The following CEP290 variants were observed in gnomAD, a reference collection of about 807,000 sequenced individuals.
CEP290 encodes the protein centrosomal protein of 290 kDa.
A neutral mutation model predicts 344.9 loss-of-function variants in CEP290; 317 were observed. That is an observed-to-expected ratio of 0.92 (90% CI 0.84 to 1.01). The LOEUF is 1.01. CEP290 is among the 50% of genes least tolerant of loss of function. The pLI, the probability that CEP290 is intolerant of heterozygous loss-of-function variation, is 0.00. For synonymous variants in CEP290, 932 were observed against 895.8 expected, an observed-to-expected ratio of 1.04 and a Z score of -0.72; for missense variants, 2,754 against 2,761.4, an observed-to-expected ratio of 1.00 and a Z score of 0.06.
chr12:88,052,435 C>T (rs1050086868), intron 52 of CEP290, among the ~76,000 whole-genome samples: 25 of 152,060 alleles, frequency 1.6e-4, no homozygotes, highest in African/African-American at 6.0e-4. Context: ...AAAAGATGTC[C>T]ATGATAAACT....
At chr12:88,105,738 CTTT>C (rs2038226079) in intron 25 of CEP290, among the ~76,000 whole-genome samples, 1 of 151,822 alleles carries the variant, frequency 6.6e-6, no homozygotes, top group Non-Finnish European at 1.5e-5. Context: ...TCTTCTTCTT[CTTT>C]TTTTCTTTTA....
chr12:88,055,513 G>A, intron 50 of CEP290, 63 bp downstream of exon 50: 1 of 1,392,748 alleles, frequency 7.2e-7, no homozygotes, highest in Non-Finnish European at 9.7e-7. Flanking sequence ...ATAAGACAAT[G>A]CAAGGAACAT....
intron 43 of CEP290, among the ~76,000 whole-genome samples, chr12:88,069,292 T>C (rs1156923103): frequency 6.6e-6 from 1 of 152,106 alleles, no homozygotes; most frequent in Non-Finnish European, 1.5e-5. Flanking sequence ...TTCATAAAAT[T>C]TAGAAATTCA....
intron 49 of CEP290, chr12:88,058,548 C>T (rs1442338320): frequency 5.7e-6 from 2 of 348,064 alleles, no homozygotes; most frequent in Non-Finnish European, 1.0e-5. Context: ...GCAGCCTCAG[C>T]CCAGGCTCAT....
intron 22 of CEP290, among the ~76,000 whole-genome samples, chr12:88,109,413 C>A (rs1231212060): frequency 6.6e-6 from 1 of 152,080 alleles, no homozygotes; most frequent in Non-Finnish European, 1.5e-5. Context: ...TACCAGATTA[C>A]AAAGTTTTAT....
intron 33 of CEP290, 82 bp from the exon 34 acceptor site, chr12:88,086,255 C>T (rs369381350): frequency 1.2e-5 from 18 of 1,530,718 alleles, no homozygotes; most frequent in East Asian, 9.1e-5. Flanking sequence ...TATGATAAAA[C>T]ATAGATTAAA....
intron 1 of CEP290, among the ~76,000 whole-genome samples, chr12:88,141,657 G>C (rs929839085): frequency 6.6e-6 from 1 of 152,156 alleles, no homozygotes; most frequent in Non-Finnish European, 1.5e-5. Context: ...GCAAGCGCGA[G>C]GGTCTGTGGA....
At chr12:88,088,297 AT>A (rs1417565303) in intron 31 of CEP290, among the ~76,000 whole-genome samples, 5 of 152,190 alleles carry the variant, frequency 3.3e-5, no homozygotes, top group African/African-American at 1.2e-4. Flanking sequence ...AGAGAACAGG[AT>A]GTAGTTGCAA....
intron 9 of CEP290, 85 bp downstream of exon 9, chr12:88,130,183 T>A: frequency 7.8e-7 from 1 of 1,283,114 alleles, no homozygotes; most frequent in East Asian, 2.4e-5. Context: ...GGAATTTACA[T>A]GTAGGGCTAA....
intron 5 of CEP290, among the ~76,000 whole-genome samples, chr12:88,137,688 T>A (rs775513544): frequency 1.3e-5 from 2 of 152,198 alleles, no homozygotes; most frequent in Non-Finnish European, 2.9e-5. Flanking sequence ...CTCCTTGGCT[T>A]AGCTGCAATT....
At chr12:88,061,089 C>T in intron 46 of CEP290, 95 bp from the exon 47 acceptor site, 1 of 842,614 alleles carries the variant, frequency 1.2e-6, no homozygotes, top group Non-Finnish European at 1.7e-6. Flanking sequence ...TCAATAATTC[C>T]TAATATTTGA....
rs1254396950 is a variant in CEP290, at chr12:88,080,326, C to A, written c.5082G>T (p.Leu1694=). 6.2e-7 allele frequency: 1 copy of A among 1,613,742 alleles called. No homozygotes were observed. The highest frequency in any genetic ancestry group is 1.1e-5 in the South Asian group (1 of 91,042). ...KAEVEDLKYL[L]DQSQKESQCL... ...ACTGTGACTCCTTTTGTGACTGGTCCAGAAGATACTTTAAATCCTCTACTT... is the reference window on the plus strand; with the variant it reads ...ACTGTGACTCCTTTTGTGACTGGTCAAGAAGATACTTTAAATCCTCTACTT... Residue 1694 remains leucine, a synonymous_variant, in exon 38 of 54, where the codon CTG becomes CTT. Transcript: ENST00000552810.
Position 88,080,258 on chromosome 12 carries a change from C to T in CEP290, c.5150G>A (p.Arg1717Lys), listed in dbSNP as rs1428633451. 1 of 1,613,562 alleles carries T rather than the reference C, an allele frequency of 6.2e-7. No homozygotes were observed. Among genetic ancestry groups the T allele is most frequent in the Non-Finnish European group, 8.5e-7 (1 of 1,179,756 alleles). Reference protein sequence around the residue: ...ELQAQKEANSRAPTTTMRNLV... With the variant: ...ELQAQKEANSKAPTTTMRNLV... ...ATTTCTCATTGTAGTTGTTGGAGCT[C>T]TTGAATTTGCTTCTTTTTGAGCCTG... Residue 1717 changes from arginine to lysine, a missense_variant, in exon 38 of 54, where the codon AGA (arginine) becomes AAA (lysine). Arg to Lys is a conservative substitution (Grantham distance 26). Transcript: ENST00000552810.
chr12:88,139,817 C>T (rs969751891), intron 3 of CEP290, among the ~76,000 whole-genome samples: 3 of 152,172 alleles, frequency 2.0e-5, no homozygotes, highest in Admixed American at 6.5e-5. Context: ...AACCTCCTGC[C>T]TCCTGGGCTC....
intron 6 of CEP290, 124 bp from the exon 7 acceptor site, chr12:88,131,342 C>T (rs2040060548): frequency 1.2e-5 from 7 of 588,032 alleles, no homozygotes; most frequent in Non-Finnish European, 2.0e-5. Flanking sequence ...CGGCTCACTG[C>T]AACCTCTGCC....
intron 34 of CEP290, among the ~76,000 whole-genome samples, chr12:88,085,177 T>C (rs1014184262): frequency 6.6e-6 from 1 of 152,132 alleles, no homozygotes; most frequent in African/African-American, 2.4e-5. Flanking sequence ...GAATATGTAA[T>C]AAATTATTTC....
rs1047786110 is a variant in CEP290, at chr12:88,050,352, A to C, written c.7209+2T>G. The C allele has an allele frequency of 7.0e-7, 1 of 1,422,070 alleles. No homozygotes were observed. The highest frequency in any genetic ancestry group is 9.8e-7 in the Non-Finnish European group (1 of 1,021,388). The allele number at this position is 1,422,070 out of a possible 1,614,324, so 88.1% of individuals were successfully genotyped here. ...CGATACTAAAATATAATTAAATATTACCTTCAAATGCTGCTTTTCTAGATC... is the reference window on the plus strand; with the variant it reads ...CGATACTAAAATATAATTAAATATTCCCTTCAAATGCTGCTTTTCTAGATC... On this transcript the variant is annotated splice_donor_variant, in intron 53 of 53. Transcript: ENST00000552810. LOFTEE classifies it high-confidence loss of function.
chr12:88,112,488 A>C lies in CEP290; in HGVS notation c.2053-630T>G, dbSNP rs533962770. Among the ~76,000 whole-genome samples, 10 of 152,280 alleles carry C rather than the reference A, an allele frequency of 6.6e-5. No homozygotes were observed. In the South Asian group the frequency reaches 2.1e-3, roughly 32 times the overall value. On this transcript the variant is annotated intron_variant, in intron 20 of 53. Transcript: ENST00000552810. ...AATGAGTAAGCAAAAATAATATGTC[A>C]AATATTAAAATATTATCAGAGTGGC...
intron 27 of CEP290, among the ~76,000 whole-genome samples, chr12:88,095,044 G>T (rs370845031): frequency 6.6e-6 from 1 of 152,104 alleles, no homozygotes; most frequent in Admixed American, 6.6e-5. Context: ...AACAATAATG[G>T]ATCACTAACA....
Sources: allele counts gnomAD v4.1 joint callset (sites outside exome capture counted in the v4.1 genomes callset), GRCh38; gene constraint gnomAD v4.1.1; transcripts MANE v1.5; gene names NCBI Gene and HGNC (gene_info 2026-07-23, HGNC 2026-07-21).